Variants in ZMIZ1 observed in about 807,000 individuals in gnomAD.
The protein encoded by ZMIZ1 is zinc finger MIZ domain-containing protein 1.
In ZMIZ1, 17 loss-of-function variants were observed where a neutral mutation model predicts 113.9. That is an observed-to-expected ratio of 0.15 (90% CI 0.10 to 0.22). The LOEUF is 0.22. ZMIZ1 is among the 10% of genes least tolerant of loss of function. ZMIZ1 has a pLI of 1.00. For missense variants in ZMIZ1, 1,059 were observed against 1,477.8 expected (o/e 0.72, Z 4.65); for synonymous variants, 607 against 603.1 (o/e 1.01, Z -0.09).
At position 79,088,872 on chromosome 10, in the gene ZMIZ1, A is replaced by C. The variant is rs1347178745; in HGVS notation, c.-337+19602A>C. Reference sequence around the variant, plus strand: ...ACATCCTTCCTGCACCAGGCATGGTACTTTGGGGTCTGGAGACTGTCGCAG... The same window carrying C: ...ACATCCTTCCTGCACCAGGCATGGTCCTTTGGGGTCTGGAGACTGTCGCAG... On this transcript the variant is annotated intron_variant, in intron 1 of 24. Coordinates refer to ENST00000334512, the MANE Select transcript of ZMIZ1 (RefSeq NM_020338.4). Among the ~76,000 whole-genome samples the C allele has an allele frequency of 2.0e-5, 3 of 152,188 alleles. No homozygotes were observed. In the East Asian group the frequency reaches 5.8e-4, roughly 29 times the overall value.
In ZMIZ1 at chr10:79,298,504, G is replaced by A; in HGVS notation, c.1590G>A (p.Leu530=). ...CTGGGAGCAGCATCCCTCCATACCT[G>A]TCCCCCAGCCAAGACGTCAAACCAC... ...MTPGSSIPPY[L]SPSQDVKPPF... The change falls in exon 15 of 25, where the codon CTG becomes CTA. Residue 530 remains leucine (L), a synonymous_variant. Transcript: ENST00000334512. 1 of 1,601,660 alleles carries A rather than the reference G, an allele frequency of 6.2e-7. No homozygotes were observed. Among genetic ancestry groups the A allele is most frequent in the African/African-American group, 1.4e-5 (1 of 73,772 alleles).
intron 7 of ZMIZ1, among the ~76,000 whole-genome samples, chr10:79,258,273 A>T (rs935624485): frequency 2.6e-5 from 4 of 152,132 alleles, no homozygotes; most frequent in African/African-American, 9.7e-5. Flanking sequence ...AGTCCCAGCT[A>T]CTCAGGAAGC....
At chr10:79,138,084 C>A (rs1306711224) in intron 2 of ZMIZ1, among the ~76,000 whole-genome samples, 1 of 152,148 alleles carries the variant, frequency 6.6e-6, no homozygotes, top group African/African-American at 2.4e-5. Context: ...GGGCACTGGG[C>A]CAGGGGCCCA....
chr10:79,114,042 G>T (rs1269243222), intron 1 of ZMIZ1, among the ~76,000 whole-genome samples: 2 of 152,188 alleles, frequency 1.3e-5, no homozygotes, highest in Non-Finnish European at 2.9e-5. Context: ...TTGCCTGCCG[G>T]ACTCCTACCC....
chr10:79,150,114 G>C (rs1312045117), intron 3 of ZMIZ1, among the ~76,000 whole-genome samples: 1 of 152,204 alleles, frequency 6.6e-6, no homozygotes, highest in Non-Finnish European at 1.5e-5. Context: ...ATGGGGCTCA[G>C]GGTGGCCTGG....
rs1326058664 is a variant in ZMIZ1 at position 79,307,438 on chromosome 10, T to C, written c.2702T>C (p.Phe901Ser). ...NNYQGHGNFD[F>S]PHGNPGGTSM... Reference sequence around the variant, plus strand: ...TACCAAGGCCATGGCAACTTTGACTTCCCCCACGGGAACCCTGGAGGGACA... The same window carrying C: ...TACCAAGGCCATGGCAACTTTGACTCCCCCCACGGGAACCCTGGAGGGACA... Residue 901 changes from phenylalanine to serine, a missense_variant, in exon 23 of 25, where the codon TTC becomes TCC. Phe to Ser is a radical substitution (Grantham distance 155). Around this residue, in one of 6 missense-constraint regions of ZMIZ1, gnomAD observed 225 missense variants for 276.0 expected, o/e 0.82. Transcript: ENST00000334512. The C allele has an allele frequency of 7.4e-6, 12 of 1,611,312 alleles. No individual in the cohort carries two copies. Among genetic ancestry groups the C allele is most frequent in the Non-Finnish European group, 9.3e-6 (11 of 1,179,062 alleles).
chr10:79,201,754 G>A (rs1041752830), intron 5 of ZMIZ1, 62 bp downstream of exon 5: 3 of 1,584,202 alleles, frequency 1.9e-6, no homozygotes, highest in Admixed American at 3.4e-5. Context: ...CAGCAGCAGG[G>A]CATCTGGTGG....
At chr10:79,311,304 G>GGGGGGGGGGGGGC in intron 24 of ZMIZ1, 120 bp downstream of exon 24, 3 of 359,152 alleles carry the variant, frequency 8.4e-6, no homozygotes, top group East Asian at 7.5e-5. Flanking sequence ...TGGGCGGTGG[G>GGGGGGGGGGGGGC]AGGGCTTCAC....
intron 4 of ZMIZ1, among the ~76,000 whole-genome samples, chr10:79,185,846 G>A (rs188474645): frequency 1.6e-3 from 250 of 152,100 alleles, no homozygotes; most frequent in African/African-American, 5.7e-3. Context: ...TCAAGGTTTG[G>A]GCAGCATCTG....
Position 79,230,517 on chromosome 10 carries a change from G to C in ZMIZ1, c.280+14243G>C, listed in dbSNP as rs557619730. Among the ~76,000 whole-genome samples the C allele has an allele frequency of 3.0e-3, 453 of 152,352 alleles. 3 individuals are homozygous for C. The highest frequency in any genetic ancestry group is 5.0e-3 in the Non-Finnish European group (343 of 68,032). ...AGCCCACTCTCAGATGTGCGCCCCA[G>C]ATGTTTAGAATCACTTCCTCCCAAT... On this transcript the variant is annotated intron_variant, in intron 7 of 24. Coordinates refer to ENST00000334512, the MANE Select transcript of ZMIZ1 (RefSeq NM_020338.4).
rs552646008 is a variant in ZMIZ1 at position 79,228,259 on chromosome 10, A to G, written c.280+11985A>G. On this transcript the variant is annotated intron_variant, in intron 7 of 24. Transcript: ENST00000334512. ...CTATAGATTAGGAAACTGACGCTCA[A>G]AGAGATTTATTCACTTGTCCAAAGT... Among the ~76,000 whole-genome samples, 4 of 152,352 alleles carry G rather than the reference A, an allele frequency of 2.6e-5. No homozygotes were observed. The South Asian group carries it at 8.3e-4, about 32-fold the overall frequency.
chr10:79,142,681 C>T (rs1421429774), intron 3 of ZMIZ1, among the ~76,000 whole-genome samples: 1 of 152,218 alleles, frequency 6.6e-6, no homozygotes, highest in Admixed American at 6.5e-5. Context: ...TGTGGGCAAG[C>T]GCATGCCTGG....
rs577481865 is a variant in ZMIZ1, at chr10:79,177,165, C to T, written c.-50+15032C>T. On this transcript the variant is annotated intron_variant, in intron 4 of 24. Transcript: ENST00000334512. Reference sequence around the variant, plus strand: ...CCTGTAAATTGAAAACATGATGTTTCCTGTTGGGGCTGGACTCAGTGTGGC... The same window carrying T: ...CCTGTAAATTGAAAACATGATGTTTTCTGTTGGGGCTGGACTCAGTGTGGC... 3.9e-5 allele frequency among the ~76,000 whole-genome samples: 6 copies of T among 152,338 alleles called. No individual in the cohort carries two copies. In the East Asian group the frequency reaches 1.2e-3, roughly 29 times the overall value.
In ZMIZ1 at chr10:79,127,795, T is replaced by G. The variant is rs993419997; in HGVS notation, c.-227+8771T>G. The stretch of plus-strand genomic sequence containing the variant: ...GCCAGCAGGAGAGGCCACCAGTCTC[T>G]GTCTTCCCTCTTTGGCTCCAGCTGC... On this transcript the variant is annotated intron_variant, in intron 2 of 24. Coordinates refer to ENST00000334512, the MANE Select transcript of ZMIZ1 (RefSeq NM_020338.4). Among the ~76,000 whole-genome samples, 49 of 152,292 alleles carry G rather than the reference T, an allele frequency of 3.2e-4. 1 individual carries two copies. The highest frequency in any genetic ancestry group is 1.6e-3 in the Admixed American group (24 of 15,310).
At chr10:79,176,932 T>C (rs1846893918) in intron 4 of ZMIZ1, among the ~76,000 whole-genome samples, 1 of 152,236 alleles carries the variant, frequency 6.6e-6, no homozygotes. Flanking sequence ...TGTGGCAATG[T>C]GTCTCCAGTG....
In ZMIZ1 at chr10:79,302,219, CA is replaced by C; in HGVS notation, c.2125+8del. 6.2e-7 allele frequency: 1 copy of C among 1,612,312 alleles called. No homozygotes were observed. The highest frequency in any genetic ancestry group is 1.7e-4 in the Middle Eastern group (1 of 6,060). ...GAGCACTGTATCACGAAAAGTGAGT[CA>C]GGGTGGGGACGGGGGTGAGGGCCAG... On this transcript the variant is annotated splice_region_variant and intron_variant, in intron 18 of 24. Coordinates refer to ENST00000334512, the MANE Select transcript of ZMIZ1 (RefSeq NM_020338.4).
chr10:79,108,131 A>G (rs918314290), intron 1 of ZMIZ1, among the ~76,000 whole-genome samples: 2 of 152,202 alleles, frequency 1.3e-5, no homozygotes, highest in African/African-American at 4.8e-5. Context: ...CCCAGTTTTA[A>G]TCATCCTCGC....
chr10:79,273,148 A>G (rs1442496132), intron 7 of ZMIZ1, among the ~76,000 whole-genome samples: 1 of 152,200 alleles, frequency 6.6e-6, no homozygotes, highest in Non-Finnish European at 1.5e-5. Context: ...CTCCTCCCCC[A>G]AAGAAGGCTG....
At chr10:79,152,415 G>A (rs564937572) in intron 3 of ZMIZ1, among the ~76,000 whole-genome samples, 21 of 152,288 alleles carry the variant, frequency 1.4e-4, no homozygotes, top group Middle Eastern at 3.4e-3. Context: ...TGGGAGGATC[G>A]CTTGAGCCCA....
Sources: gnomAD v4.1 joint callset for allele counts (sites outside exome capture counted in the v4.1 genomes callset) on GRCh38, gnomAD v4.1.1 for gene constraint, gnomAD v4.1.1 regional missense constraint, MANE v1.5 for transcripts, NCBI Gene and HGNC (gene_info 2026-07-23, HGNC 2026-07-21) for gene names.